The following RARB variants were observed in gnomAD, a reference collection of about 807,000 sequenced individuals.
RARB encodes the protein retinoic acid receptor beta.
Under a neutral mutation model 51.9 loss-of-function variants are expected in RARB, and 17 were observed. The observed-to-expected ratio is 0.33, with a 90% CI of 0.22 to 0.49. The LOEUF (loss-of-function observed/expected upper bound fraction) is 0.49. RARB is among the 20% of genes least tolerant of loss of function. The pLI is 0.99. For synonymous variants in RARB, 215 were observed against 195.4 expected (o/e 1.10, Z -0.84); for missense variants, 369 against 550.8 (o/e 0.67, Z 3.30).
intron 3 of RARB, among the ~76,000 whole-genome samples, chr3:25,536,809 GT>G (rs1699160656): frequency 6.6e-6 from 1 of 152,188 alleles, no homozygotes; most frequent in East Asian, 1.9e-4. Context: ...GTGGCAGAGG[GT>G]TCTTCATGGG....
intron 5 of RARB, among the ~76,000 whole-genome samples, chr3:25,299,749 T>C (rs1703995903): frequency 6.7e-6 from 1 of 150,374 alleles, no homozygotes; most frequent in African/African-American, 2.4e-5. Context: ...AAAAGGTCTG[T>C]GGCACCAAAA....
At chr3:25,372,790 C>A (rs959764199) in intron 5 of RARB, among the ~76,000 whole-genome samples, 1 of 152,170 alleles carries the variant, frequency 6.6e-6, no homozygotes, top group African/African-American at 2.4e-5. Flanking sequence ...CATGCCACTG[C>A]ACTCCAGCCT....
At chr3:25,199,498 A>T (rs1701337032) in intron 5 of RARB, among the ~76,000 whole-genome samples, 1 of 152,110 alleles carries the variant, frequency 6.6e-6, no homozygotes, top group South Asian at 2.1e-4. Flanking sequence ...ACATGTGCAC[A>T]ATGTGCAGGT....
chr3:25,396,263 G>A (rs1707111518), intron 5 of RARB, among the ~76,000 whole-genome samples: 2 of 152,226 alleles, frequency 1.3e-5, no homozygotes, highest in African/African-American at 4.8e-5. Context: ...GGTGGAGGTA[G>A]CAGGGCAGTG....
chr3:24,839,675 G>T (rs1329901575), intron 1 of RARB, among the ~76,000 whole-genome samples: 5 of 115,316 alleles, frequency 4.3e-5, no homozygotes, highest in Non-Finnish European at 8.2e-5. Context: ...CTGCACTCCA[G>T]CCTAGGCTAC....
At chr3:25,255,837 T>A (rs1449721985) in intron 5 of RARB, among the ~76,000 whole-genome samples, 2 of 152,100 alleles carry the variant, frequency 1.3e-5, no homozygotes, top group Admixed American at 6.6e-5. Flanking sequence ...TTGAGTCAAG[T>A]GTGTATGCTT....
At chr3:25,494,412 G>GCTGA (rs1433280932) in intron 2 of RARB, among the ~76,000 whole-genome samples, 1 of 152,100 alleles carries the variant, frequency 6.6e-6, no homozygotes, top group African/African-American at 2.4e-5. Context: ...TTCCACTAGA[G>GCTGA]CTGAGATCAA....
chr3:25,595,854 G>A (rs1004437588), intron 7 of RARB, among the ~76,000 whole-genome samples: 1 of 152,152 alleles, frequency 6.6e-6, no homozygotes, highest in African/African-American at 2.4e-5. Context: ...CCATCAACCT[G>A]TCTTTTTCAA....
chr3:25,429,311 G>A (rs542713172), intron 1 of RARB, among the ~76,000 whole-genome samples: 1 of 152,180 alleles, frequency 6.6e-6, no homozygotes, highest in Admixed American at 6.5e-5. Context: ...AGTTGTATAG[G>A]TCCCCCCACC....
chr3:25,308,319 A>G (rs908196589), intron 5 of RARB, among the ~76,000 whole-genome samples: 3 of 152,206 alleles, frequency 2.0e-5, no homozygotes, highest in Admixed American at 6.5e-5. Flanking sequence ...ATCTCCTTGT[A>G]AGTTCTTTCC....
At chr3:25,502,708 T>C (rs1342054627) in intron 3 of RARB, among the ~76,000 whole-genome samples, 1 of 152,066 alleles carries the variant, frequency 6.6e-6, no homozygotes, top group African/African-American at 2.4e-5. Flanking sequence ...GTGCGTAGAA[T>C]ATCAGGACAG....
intron 2 of RARB, among the ~76,000 whole-genome samples, chr3:24,924,999 C>T (rs73137234): frequency 6.6e-6 from 1 of 152,110 alleles, no homozygotes; most frequent in Admixed American, 6.6e-5. Context: ...GGGCTGACCA[C>T]CACCACTGTT....
intron 2 of RARB, among the ~76,000 whole-genome samples, chr3:25,004,028 G>A (rs1376991904): frequency 6.6e-6 from 1 of 152,144 alleles, no homozygotes; most frequent in Non-Finnish European, 1.5e-5. Flanking sequence ...TAGTAGCTGA[G>A]CCAAGAAAGT....
intron 3 of RARB, among the ~76,000 whole-genome samples, chr3:25,095,344 G>A (rs1031330546): frequency 6.6e-6 from 1 of 152,138 alleles, no homozygotes; most frequent in Non-Finnish European, 1.5e-5. Flanking sequence ...TATGATCCCT[G>A]GACCAGCAAC....
intron 5 of RARB, among the ~76,000 whole-genome samples, chr3:25,232,325 G>A (rs750159248): frequency 5.3e-5 from 8 of 151,982 alleles, no homozygotes; most frequent in East Asian, 1.9e-4. Flanking sequence ...GACTTTCCAC[G>A]TAAGTGTTAG....
At chr3:25,328,573 G>A (rs368519619) in intron 5 of RARB, among the ~76,000 whole-genome samples, 25 of 152,220 alleles carry the variant, frequency 1.6e-4, no homozygotes, top group East Asian at 1.4e-3. Flanking sequence ...CAAGATGGCC[G>A]AATAGGAAGA....
rs553410194 is a variant in RARB, at chr3:25,138,545, C to G, written c.-280+6337C>G. On this transcript the variant is annotated intron_variant, in intron 4 of 11. Coordinates refer to the RARB transcript ENST00000383772. The stretch of plus-strand genomic sequence containing the variant: ...CAGAATTCTAATTAGTAACATGAGT[C>G]TCTTTCTTGATAGATTTGAGCATGA... 9.9e-5 allele frequency among the ~76,000 whole-genome samples: 15 copies of G among 152,148 alleles called. 2 individuals are homozygous for G. In the South Asian group the frequency reaches 2.5e-3, roughly 25 times the overall value.
chr3:25,510,317 C>T (rs1697824328), intron 3 of RARB, among the ~76,000 whole-genome samples: 1 of 152,118 alleles, frequency 6.6e-6, no homozygotes, highest in African/African-American at 2.4e-5. Context: ...GTATTCGCTC[C>T]CACATCAAAT....
intron 4 of RARB, among the ~76,000 whole-genome samples, chr3:25,135,607 C>T (rs756922997): frequency 6.6e-6 from 1 of 151,834 alleles, no homozygotes; most frequent in Non-Finnish European, 1.5e-5. Context: ...CAGTTGCGTG[C>T]AACATAGCCA....
Sources: gnomAD v4.1 joint callset for allele counts (sites outside exome capture counted in the v4.1 genomes callset) on GRCh38, gnomAD v4.1.1 for gene constraint, MANE v1.5 for transcripts, NCBI Gene and HGNC (gene_info 2026-07-23, HGNC 2026-07-21) for gene names.